The following RAB3C variants were observed in gnomAD, a reference collection of about 807,000 sequenced individuals.
The protein encoded by RAB3C is RAB3C, member RAS oncogene family.
Under a neutral mutation model 26.4 loss-of-function variants are expected in RAB3C, and 17 were observed. That is an observed-to-expected ratio of 0.64 (90% CI 0.44 to 0.97). The LOEUF (loss-of-function observed/expected upper bound fraction) is 0.97. Among genes scored for constraint, RAB3C ranks in the 50% least tolerant of loss-of-function variants. The probability of loss-of-function intolerance (pLI) is 0.00; values close to 1 mark genes in which losing one functional copy is unlikely to be tolerated. For missense variants in RAB3C, 242 were observed against 281.9 expected (o/e 0.86, Z 1.01); for synonymous variants, 91 against 95.9 (o/e 0.95, Z 0.30).
chr5:58,846,529 G>T (rs1197136358), intron 4 of RAB3C, among the ~76,000 whole-genome samples: 2 of 151,976 alleles, frequency 1.3e-5, no homozygotes, highest in African/African-American at 4.8e-5. Context: ...CAGGATTGTG[G>T]CACCACACTC....
At chr5:58,615,965 C>T (rs1046217601) in intron 1 of RAB3C, among the ~76,000 whole-genome samples, 1 of 135,242 alleles carries the variant, frequency 7.4e-6, no homozygotes, top group East Asian at 2.3e-4. Context: ...TTTCTGTAAA[C>T]ATACGTGTAC....
intron 3 of RAB3C, among the ~76,000 whole-genome samples, chr5:58,728,973 G>A (rs1740945048): frequency 6.6e-6 from 1 of 151,844 alleles, no homozygotes; most frequent in Admixed American, 6.6e-5. Flanking sequence ...TCTTTAAAAA[G>A]TCTATTTACT....
At chr5:58,809,566 C>T (rs899571617) in intron 3 of RAB3C, among the ~76,000 whole-genome samples, 3 of 152,234 alleles carry the variant, frequency 2.0e-5, no homozygotes, top group East Asian at 1.9e-4. Context: ...AAAATGAATG[C>T]AGATTTATGT....
At chr5:58,596,977 TATA>T (rs1355089689) in intron 1 of RAB3C, among the ~76,000 whole-genome samples, 17 of 89,848 alleles carry the variant, frequency 1.9e-4, no homozygotes, top group East Asian at 3.5e-4. Context: ...CATATAAACA[TATA>T]ATAATATATA....
At chr5:58,772,301 T>G (rs1387712827) in intron 3 of RAB3C, among the ~76,000 whole-genome samples, 1 of 152,158 alleles carries the variant, frequency 6.6e-6, no homozygotes, top group African/African-American at 2.4e-5. Flanking sequence ...ATGAACCTGA[T>G]GATGGTATTA....
chr5:58,650,811 T>C (rs1374305077), intron 2 of RAB3C, among the ~76,000 whole-genome samples: 2 of 152,218 alleles, frequency 1.3e-5, no homozygotes, highest in South Asian at 2.1e-4. Context: ...GAGACTTATT[T>C]GGTAAATAAC....
intron 3 of RAB3C, among the ~76,000 whole-genome samples, chr5:58,800,131 T>G (rs1742770865): frequency 6.6e-6 from 1 of 152,236 alleles, no homozygotes; most frequent in African/African-American, 2.4e-5. Context: ...TTTAAATTTT[T>G]ACACCTTATG....
chr5:58,835,528 A>G (rs1743726667), intron 4 of RAB3C, among the ~76,000 whole-genome samples: 1 of 152,340 alleles, frequency 6.6e-6, no homozygotes, highest in Admixed American at 6.5e-5. Context: ...ATCTCGACAG[A>G]CAAAATTGTC....
At chr5:58,836,120 G>A (rs891844737) in intron 4 of RAB3C, among the ~76,000 whole-genome samples, 2 of 152,112 alleles carry the variant, frequency 1.3e-5, no homozygotes, top group African/African-American at 4.8e-5. Flanking sequence ...ATTCCTGTTA[G>A]ACAATCAGTG....
At chr5:58,728,318 G>A (rs752205293) in intron 3 of RAB3C, among the ~76,000 whole-genome samples, 38 of 151,960 alleles carry the variant, frequency 2.5e-4, no homozygotes, top group Non-Finnish European at 2.2e-4. Flanking sequence ...AGAAATATGA[G>A]CACTGTCTTT....
At chr5:58,749,114 T>C (rs1330442919) in intron 3 of RAB3C, among the ~76,000 whole-genome samples, 1 of 151,948 alleles carries the variant, frequency 6.6e-6, no homozygotes, top group East Asian at 1.9e-4. Context: ...AGTAAACTTC[T>C]ATCATGCCCT....
At chr5:58,660,471 G>A (rs1053408941) in intron 2 of RAB3C, among the ~76,000 whole-genome samples, 5 of 150,064 alleles carry the variant, frequency 3.3e-5, no homozygotes, top group Non-Finnish European at 5.9e-5. Flanking sequence ...GTCTCATCCT[G>A]TTGCCTGGAG....
rs144639995 is a variant in RAB3C at position 58,741,318 on chromosome 5, C to T, written c.371+15198C>T. Among the ~76,000 whole-genome samples, 323 of 152,276 alleles carry T rather than the reference C, an allele frequency of 2.1e-3. 3 individuals carry two copies. The highest frequency in any genetic ancestry group is 7.4e-3 in the African/African-American group (309 of 41,554). On this transcript the variant is annotated intron_variant, in intron 3 of 4. Transcript: ENST00000282878. ...ATAGGCATGACTGATCGAATCCTTG[C>T]CCAAATGGTTGAACTCAATTTCCAA...
chr5:58,602,888 G>C (rs1346161926), intron 1 of RAB3C, among the ~76,000 whole-genome samples: 1 of 151,720 alleles, frequency 6.6e-6, no homozygotes, highest in Non-Finnish European at 1.5e-5. Flanking sequence ...TCATGCAATG[G>C]TATTTTTGTT....
chr5:58,811,645 C>A (rs1449038775), intron 3 of RAB3C, among the ~76,000 whole-genome samples: 1 of 152,084 alleles, frequency 6.6e-6, no homozygotes, highest in Non-Finnish European at 1.5e-5. Flanking sequence ...CCTCTCTCCC[C>A]TCCCCTTTCC....
intron 2 of RAB3C, among the ~76,000 whole-genome samples, chr5:58,669,873 A>G (rs902463711): frequency 2.0e-5 from 3 of 152,152 alleles, no homozygotes; most frequent in Non-Finnish European, 2.9e-5. Flanking sequence ...AACTCTTCAC[A>G]TATCTTTTCC....
At chr5:58,783,428 CT>C (rs1742312248) in intron 3 of RAB3C, among the ~76,000 whole-genome samples, 1 of 152,076 alleles carries the variant, frequency 6.6e-6, no homozygotes, top group South Asian at 2.1e-4. Context: ...AAAGCTTTTC[CT>C]CTGTAACTGG....
rs149846932 is a variant in RAB3C, at chr5:58,766,029, G to A, written c.371+39909G>A. Among the ~76,000 whole-genome samples the A allele has an allele frequency of 8.6e-5, 13 of 151,882 alleles. 1 individual carries two copies. The highest frequency in any genetic ancestry group is 4.2e-4 in the South Asian group (2 of 4,810). ...TCTGCCATAATTATGCATTTCCTCC[G>A]CATGATGCTCCCCAGCCATGCTTGC... On this transcript the variant is annotated intron_variant, in intron 3 of 4. Transcript: ENST00000282878.
At chr5:58,713,767 A>C (rs1749113364) in intron 2 of RAB3C, among the ~76,000 whole-genome samples, 1 of 152,184 alleles carries the variant, frequency 6.6e-6, no homozygotes, top group African/African-American at 2.4e-5. Flanking sequence ...TTTTGAGACA[A>C]TAATTAACCA....
Sources: allele counts gnomAD v4.1 joint callset (sites outside exome capture counted in the v4.1 genomes callset), GRCh38; gene constraint gnomAD v4.1.1; transcripts MANE v1.5; gene names NCBI Gene and HGNC (gene_info 2026-07-23, HGNC 2026-07-21).